KIRREL3: variants seen among roughly 807,000 people sequenced by gnomAD.
KIRREL3 encodes the protein kirre like nephrin family adhesion molecule 3, also known as kin of IRRE-like protein 3.
KIRREL3 carries 36 observed loss-of-function variants against 89.7 expected under a neutral mutation model. That is an observed-to-expected ratio of 0.40 (90% CI 0.31 to 0.53). The LOEUF is 0.53. KIRREL3 is among the 20% of genes least tolerant of loss of function. KIRREL3 has a pLI of 0.49. For synonymous variants in KIRREL3, 445 were observed against 441.4 expected, an observed-to-expected ratio of 1.01 and a Z score of -0.10; for missense variants, 864 against 1,056.6, an observed-to-expected ratio of 0.82 and a Z score of 2.53.
rs113559451 is a variant in KIRREL3 at position 126,555,953 on chromosome 11, G to T, written c.133+6882C>A. On this transcript the variant is annotated intron_variant, in intron 2 of 16. Coordinates refer to ENST00000525144, the MANE Select transcript of KIRREL3 (RefSeq NM_032531.4). The surrounding 1 kb of genome is among the most constrained non-coding windows in gnomAD (Gnocchi z 4.2). ...GGTGGGGTTTCACTATTTTGGCCAG[G>T]CTGGTCTCAAACTCCTGACCTCAGG... Among the ~76,000 whole-genome samples the T allele has an allele frequency of 0.044, 6,644 of 152,202 alleles. 309 individuals are homozygous for T. Among genetic ancestry groups the T allele is most frequent in the African/African-American group, 0.12 (4,857 of 41,526 alleles).
At chr11:126,438,007 C>T (rs1206035375) in intron 11 of KIRREL3, among the ~76,000 whole-genome samples, 1 of 152,236 alleles carries the variant, frequency 6.6e-6, no homozygotes, top group Non-Finnish European at 1.5e-5. Flanking sequence ...ACACAATCCA[C>T]AAACACATGT....
At chr11:126,500,259 G>A (rs932101348) in intron 4 of KIRREL3, among the ~76,000 whole-genome samples, 1 of 152,192 alleles carries the variant, frequency 6.6e-6, no homozygotes, top group African/African-American at 2.4e-5. Context: ...CTGAGGAGCT[G>A]TATTTTTAGT....
chr11:126,880,365 G>A (rs1041246639), intron 1 of KIRREL3, among the ~76,000 whole-genome samples: 3 of 152,130 alleles, frequency 2.0e-5, no homozygotes, highest in South Asian at 2.1e-4. Context: ...CAGTCAAATC[G>A]TCCCTTCGTC....
At position 126,830,877 on chromosome 11, in the gene KIRREL3, A is replaced by G. The variant is rs1227676143; in HGVS notation, c.55+169578T>C. Among the ~76,000 whole-genome samples, 2 of 152,198 alleles carry G rather than the reference A, an allele frequency of 1.3e-5. No homozygotes were observed. The highest frequency in any genetic ancestry group is 6.5e-5 in the Admixed American group (1 of 15,284). Reference sequence around the variant, plus strand: ...TTAGAGCAATCAGAAAAAAGATCACATAATTACCAAGATGTTGCTTTATGG... The same window carrying G: ...TTAGAGCAATCAGAAAAAAGATCACGTAATTACCAAGATGTTGCTTTATGG... On this transcript the variant is annotated intron_variant, in intron 1 of 16. Transcript: ENST00000525144. This position sits in a 1 kb window ranked among gnomAD's most constrained non-coding sequence, Gnocchi z 4.9.
In KIRREL3 at chr11:126,999,900, C is replaced by T. The variant is rs1031798076; in HGVS notation, c.55+555G>A. Among the ~76,000 whole-genome samples the T allele has an allele frequency of 2.6e-5, 4 of 152,232 alleles. No homozygotes were observed. Among genetic ancestry groups the T allele is most frequent in the Non-Finnish European group, 5.9e-5 (4 of 68,048 alleles). Reference sequence around the variant, plus strand: ...GGGAACTCGATGACGTTCAATGAAACTCTTTACAAGCTTTTCCCAACCACT... The same window carrying T: ...GGGAACTCGATGACGTTCAATGAAATTCTTTACAAGCTTTTCCCAACCACT... On this transcript the variant is annotated intron_variant, in intron 1 of 16. Transcript: ENST00000525144. The surrounding 1 kb of genome is among the most constrained non-coding windows in gnomAD (Gnocchi z 5.7).
At chr11:126,602,311 A>G (rs1942696245) in intron 1 of KIRREL3, among the ~76,000 whole-genome samples, 1 of 152,114 alleles carries the variant, frequency 6.6e-6, no homozygotes, top group Non-Finnish European at 1.5e-5. Flanking sequence ...GTGTGGGGTT[A>G]TCTACAGGGA....
rs1308082693 is a variant in KIRREL3 at position 126,709,732 on chromosome 11, C to T, written c.56-146820G>A. On this transcript the variant is annotated intron_variant, in intron 1 of 16. Coordinates refer to ENST00000525144, the MANE Select transcript of KIRREL3 (RefSeq NM_032531.4). The surrounding 1 kb of genome is among the most constrained non-coding windows in gnomAD (Gnocchi z 4.0). ...AAACCAACCCTGTAGACACCTCCAT[C>T]TCAGACCTCCTGCCTGCAGAATTGT... 6.6e-6 allele frequency among the ~76,000 whole-genome samples: 1 copy of T among 152,188 alleles called. No homozygotes were observed. Among genetic ancestry groups the T allele is most frequent in the East Asian group, 1.9e-4 (1 of 5,194 alleles).
At position 126,475,526 on chromosome 11, in the gene KIRREL3, C is replaced by T. The variant is rs532290932; in HGVS notation, c.434-2060G>A. 3.9e-5 allele frequency among the ~76,000 whole-genome samples: 6 copies of T among 152,304 alleles called. No individual in the cohort carries two copies. Among genetic ancestry groups the T allele is most frequent in the East Asian group, 1.9e-4 (1 of 5,180 alleles). ...GGAACAAGCAACCTCCCAGGGCTTC[C>T]GAGAAGCCATCACTGACCCCAGGGG... On this transcript the variant is annotated intron_variant, in intron 4 of 16. Coordinates refer to ENST00000525144, the MANE Select transcript of KIRREL3 (RefSeq NM_032531.4). This position sits in a 1 kb window ranked among gnomAD's most constrained non-coding sequence, Gnocchi z 7.5.
At chr11:126,833,083 C>G (rs1483580173) in intron 1 of KIRREL3, among the ~76,000 whole-genome samples, 1 of 152,160 alleles carries the variant, frequency 6.6e-6, no homozygotes, top group Non-Finnish European at 1.5e-5. Context: ...ATAATAGGAT[C>G]ATTCAGGTTC....
At chr11:126,679,665 G>T (rs577187116) in intron 1 of KIRREL3, among the ~76,000 whole-genome samples, 1 of 152,260 alleles carries the variant, frequency 6.6e-6, no homozygotes, top group Admixed American at 6.5e-5. Flanking sequence ...TTAAAGTCTG[G>T]TTGGCATAAT....
In KIRREL3 at chr11:126,424,658, G is replaced by A. The variant is rs764321364; in HGVS notation, c.2259C>T (p.Ser753=). ...GGGACGAGGACTGGGAGTGGTGGGA[G>A]GAGGAAGCAGAAGCCTTGCTGGCCT... ...FDKASKASAS[S]SHHSQSSSQN... The change falls in exon 17 of 17, where the codon TCC becomes TCT. Residue 753 remains serine (S), a synonymous_variant. Coordinates refer to ENST00000525144, the MANE Select transcript of KIRREL3 (RefSeq NM_032531.4). 15 of 1,613,936 alleles carry A rather than the reference G, an allele frequency of 9.3e-6. 1 individual carries two copies. The highest frequency in any genetic ancestry group is 1.6e-4 in the Middle Eastern group (1 of 6,082).
chr11:126,863,259 C>A (rs1944761600), intron 1 of KIRREL3, among the ~76,000 whole-genome samples: 1 of 150,962 alleles, frequency 6.6e-6, no homozygotes, highest in African/African-American at 2.4e-5. Flanking sequence ...GCTGGGATTC[C>A]AGCCTCCTCT....
Position 126,923,133 on chromosome 11 carries a change from T to TCTCCTTCTC in KIRREL3, c.55+77321_55+77322insGAGAAGGAG, listed in dbSNP as rs1565422701. 7.6e-3 allele frequency among the ~76,000 whole-genome samples: 104 copies of TCTCCTTCTC among 13,770 alleles called. 21 individuals carry two copies. Among genetic ancestry groups the TCTCCTTCTC allele is most frequent in the Non-Finnish European group, 6.5e-3 (49 of 7,502 alleles). The allele number at this position is 13,770 out of a possible 152,430, so 9.0% of individuals were successfully genotyped here. On this transcript the variant is annotated intron_variant, in intron 1 of 16. Transcript: ENST00000525144. The stretch of plus-strand genomic sequence containing the variant: ...CTCCTTCTCCTTCTCCTTCTTCTCT[T>TCTCCTTCTC]CTTCTTCTTCTTCTTCTTCTTCTTC...
intron 1 of KIRREL3, among the ~76,000 whole-genome samples, chr11:126,921,175 C>A (rs1947259383): frequency 6.6e-6 from 1 of 152,162 alleles, no homozygotes. Flanking sequence ...GTTCTCCAAC[C>A]TATAGACTCT....
chr11:126,859,782 A>G (rs772093271), intron 1 of KIRREL3, among the ~76,000 whole-genome samples: 3 of 152,120 alleles, frequency 2.0e-5, no homozygotes, highest in Non-Finnish European at 4.4e-5. Context: ...GTTTGAGGAG[A>G]GGAAGGAGGA....
chr11:126,944,196 A>G (rs900008240), intron 1 of KIRREL3: 5 of 152,128 alleles, frequency 3.3e-5, no homozygotes, highest in South Asian at 4.1e-4. Flanking sequence ...TCCATTCCTC[A>G]TCAAGTCTAA....
rs1314904132 is a variant in KIRREL3, at chr11:126,773,642, C to T, written c.56-210730G>A. 6.6e-6 allele frequency among the ~76,000 whole-genome samples: 1 copy of T among 152,164 alleles called. No homozygotes were observed. The highest frequency in any genetic ancestry group is 1.5e-5 in the Non-Finnish European group (1 of 68,026). ...GATCTCCTTACAGGGAGCACACTAG[C>T]TTCTGCCATAGGAAGAACATCAAGC... On this transcript the variant is annotated intron_variant, in intron 1 of 16. Coordinates refer to ENST00000525144, the MANE Select transcript of KIRREL3 (RefSeq NM_032531.4). The surrounding 1 kb of genome is among the most constrained non-coding windows in gnomAD (Gnocchi z 4.2).
rs140797427 is a variant in KIRREL3 at position 126,951,126 on chromosome 11, T to C, written c.55+49329A>G. Among the ~76,000 whole-genome samples the C allele has an allele frequency of 1.9e-3, 295 of 152,304 alleles. 1 individual carries two copies. The highest frequency in any genetic ancestry group is 6.7e-3 in the African/African-American group (278 of 41,572). ...TCTGGAGGTTAGGATGTGGATATCT[T>C]TTGGGGGGCCATCATCTCTCTACCT... is the stretch of plus-strand genomic sequence containing the variant. On this transcript the variant is annotated intron_variant, in intron 1 of 16. Transcript: ENST00000525144.
chr11:126,663,902 A>G (rs1342765127), intron 1 of KIRREL3, among the ~76,000 whole-genome samples: 4 of 152,212 alleles, frequency 2.6e-5, no homozygotes, highest in Admixed American at 2.6e-4. Context: ...CTCTGACTAT[A>G]AGCATAGGAG....
Sources: gnomAD v4.1 joint callset for allele counts (sites outside exome capture counted in the v4.1 genomes callset) on GRCh38, gnomAD v4.1.1 for gene constraint, Gnocchi (gnomAD v3.1) non-coding constraint, MANE v1.5 for transcripts, NCBI Gene and HGNC (gene_info 2026-07-23, HGNC 2026-07-21) for gene names.